The following TSHZ2 variants were observed in gnomAD, a reference collection of about 807,000 sequenced individuals.
TSHZ2 encodes teashirt zinc finger homeobox 2, also known as teashirt homolog 2.
In TSHZ2, 21 loss-of-function variants were observed where a neutral mutation model predicts 74.4. That is an observed-to-expected ratio of 0.28 (90% CI 0.20 to 0.41). The LOEUF is 0.41. Ranked by LOEUF, TSHZ2 falls within the 10% of genes least tolerant of loss-of-function variation. The pLI, the probability that TSHZ2 is intolerant of heterozygous loss-of-function variation, is 1.00. For missense variants in TSHZ2, 1,244 were observed against 1,293.5 expected (o/e 0.96, Z 0.59); for synonymous variants, 540 against 515.3 (o/e 1.05, Z -0.65).
intron 1 of TSHZ2, chr20:53,178,523 T>G (rs1400493124): frequency 6.6e-6 from 1 of 152,160 alleles, no homozygotes; most frequent in Non-Finnish European, 1.5e-5. Context: ...TGGCCAAAGC[T>G]TTTTTGGGGA....
At chr20:53,102,987 A>T (rs2123298450) in intron 1 of TSHZ2, among the ~76,000 whole-genome samples, 1 of 152,290 alleles carries the variant, frequency 6.6e-6, no homozygotes, top group South Asian at 2.1e-4. Context: ...AGATTAGAAT[A>T]CATTTGAGTA....
At chr20:53,271,862 A>T (rs778579183) in intron 2 of TSHZ2, among the ~76,000 whole-genome samples, 2 of 152,212 alleles carry the variant, frequency 1.3e-5, no homozygotes. Context: ...TGGCTGGTGG[A>T]TGTGCATACA....
intron 1 of TSHZ2, among the ~76,000 whole-genome samples, chr20:53,168,488 A>G (rs923158977): frequency 6.6e-6 from 1 of 152,240 alleles, no homozygotes; most frequent in African/African-American, 2.4e-5. Context: ...CTGGCTATTC[A>G]GAGACTTTGC....
chr20:53,122,521 C>G (rs982030112), intron 1 of TSHZ2, among the ~76,000 whole-genome samples: 1 of 152,014 alleles, frequency 6.6e-6, no homozygotes, highest in Non-Finnish European at 1.5e-5. Context: ...TTTACGGGGT[C>G]CTCTTTCCCT....
At chr20:53,216,495 C>T (rs1042773179) in intron 1 of TSHZ2, among the ~76,000 whole-genome samples, 2 of 152,216 alleles carry the variant, frequency 1.3e-5, no homozygotes, top group Non-Finnish European at 2.9e-5. Context: ...TCATTTTATG[C>T]CAGGCAAAAT....
At chr20:53,397,328 C>G (rs1041876645) in intron 2 of TSHZ2, among the ~76,000 whole-genome samples, 1 of 152,146 alleles carries the variant, frequency 6.6e-6, no homozygotes, top group Non-Finnish European at 1.5e-5. Context: ...TATGAACAGA[C>G]ACTTCTCAAA....
intron 2 of TSHZ2, among the ~76,000 whole-genome samples, chr20:53,368,028 C>T (rs894558097): frequency 1.3e-5 from 2 of 152,006 alleles, no homozygotes; most frequent in African/African-American, 4.8e-5. Flanking sequence ...GACGTAGCGC[C>T]GATTTCACAG....
At chr20:53,117,526 T>C (rs924406946) in intron 1 of TSHZ2, among the ~76,000 whole-genome samples, 15 of 152,108 alleles carry the variant, frequency 9.9e-5, no homozygotes, top group Admixed American at 3.9e-4. Context: ...CTAAGTGCCA[T>C]TGTGCACATA....
At chr20:52,994,245 G>A (rs566528979) in intron 1 of TSHZ2, among the ~76,000 whole-genome samples, 49 of 152,278 alleles carry the variant, frequency 3.2e-4, no homozygotes, top group African/African-American at 7.7e-4. Context: ...AATAACGTCC[G>A]GAAGAAGGCA....
intron 2 of TSHZ2, among the ~76,000 whole-genome samples, chr20:53,394,401 T>C (rs1982368228): frequency 6.6e-6 from 1 of 152,202 alleles, no homozygotes; most frequent in Non-Finnish European, 1.5e-5. Context: ...AAATAAGTTG[T>C]CTATAAATTA....
At chr20:53,479,455 C>T (rs901824931) in intron 2 of TSHZ2, among the ~76,000 whole-genome samples, 2 of 152,056 alleles carry the variant, frequency 1.3e-5, no homozygotes, top group East Asian at 1.9e-4. Context: ...CAGTGGTAAA[C>T]GCAGAGCAAT....
chr20:53,303,594 C>G (rs1487958676), intron 2 of TSHZ2, among the ~76,000 whole-genome samples: 1 of 152,198 alleles, frequency 6.6e-6, no homozygotes, highest in African/African-American at 2.4e-5. Flanking sequence ...CCAGTGCCCT[C>G]TTGACGTTTC....
At position 53,213,409 on chromosome 20, in the gene TSHZ2, A is replaced by C. The variant is rs185313589; in HGVS notation, c.41-40090A>C. Among the ~76,000 whole-genome samples, 4 of 152,308 alleles carry C rather than the reference A, an allele frequency of 2.6e-5. No individual in the cohort carries two copies. In the East Asian group the frequency reaches 7.7e-4, roughly 29 times the overall value. ...CACCTGGATGCTTCGTTACAACTAG[A>C]GCTAATAGGAACCACCCAGCACTCG... On this transcript the variant is annotated intron_variant, in intron 1 of 2. Coordinates refer to ENST00000371497, the MANE Select transcript of TSHZ2 (RefSeq NM_173485.6).
chr20:53,413,354 T>C (rs1307706955), intron 2 of TSHZ2, among the ~76,000 whole-genome samples: 1 of 152,236 alleles, frequency 6.6e-6, no homozygotes, highest in East Asian at 1.9e-4. Context: ...AGACAAAGGA[T>C]GCAGGTGCTG....
At chr20:53,072,634 TA>T (rs1158907337) in intron 1 of TSHZ2, among the ~76,000 whole-genome samples, 1 of 152,210 alleles carries the variant, frequency 6.6e-6, no homozygotes, top group Non-Finnish European at 1.5e-5. Context: ...TTAATATGAT[TA>T]AAAATAACTG....
chr20:53,410,614 TA>T (rs1983021223), intron 2 of TSHZ2, among the ~76,000 whole-genome samples: 1 of 148,200 alleles, frequency 6.7e-6, no homozygotes, highest in East Asian at 1.9e-4. Flanking sequence ...TTATTATTAT[TA>T]TTATTATTAT....
chr20:53,211,404 G>A (rs918954875), intron 1 of TSHZ2, among the ~76,000 whole-genome samples: 1 of 151,924 alleles, frequency 6.6e-6, no homozygotes, highest in Non-Finnish European at 1.5e-5. Context: ...TTTCAGAAAT[G>A]TTTTACTTTA....
intron 1 of TSHZ2, among the ~76,000 whole-genome samples, chr20:53,078,977 C>T (rs189823736): frequency 3.9e-5 from 6 of 152,198 alleles, no homozygotes; most frequent in African/African-American, 1.4e-4. Flanking sequence ...TAATGAACCC[C>T]TGGCAGTGGA....
chr20:53,486,941 T>C (rs553009259), intron 2 of TSHZ2, among the ~76,000 whole-genome samples: 3 of 152,258 alleles, frequency 2.0e-5, no homozygotes, highest in South Asian at 4.2e-4. Flanking sequence ...AGTGAGAACA[T>C]ACAGTATTTA....
Sources: gnomAD v4.1 joint callset for allele counts (sites outside exome capture counted in the v4.1 genomes callset) on GRCh38, gnomAD v4.1.1 for gene constraint, MANE v1.5 for transcripts, NCBI Gene and HGNC (gene_info 2026-07-23, HGNC 2026-07-21) for gene names.